The following HIF3A variants were observed in gnomAD, a reference collection of about 807,000 sequenced individuals.
HIF3A encodes hypoxia-inducible factor 3-alpha.
A neutral mutation model predicts 67.2 loss-of-function variants in HIF3A; 41 were observed. The observed-to-expected ratio is 0.61, with a 90% CI of 0.48 to 0.79. The LOEUF (loss-of-function observed/expected upper bound fraction) is 0.79, where lower values mean the gene tolerates loss of function less well. Ranked by LOEUF, HIF3A falls within the 30% of genes least tolerant of loss-of-function variation. The pLI is 0.00. For synonymous variants in HIF3A, 356 were observed against 374.8 expected (o/e 0.95, Z 0.58); for missense variants, 855 against 898.0 (o/e 0.95, Z 0.61).
Position 46,303,461 on chromosome 19 carries a change from A to T in HIF3A, c.27-437A>T, listed in dbSNP as rs539698813. 4 of 609,330 alleles carry T rather than the reference A, an allele frequency of 6.6e-6. No homozygotes were observed. The Admixed American group carries it at 1.2e-4, about 18-fold the overall frequency. 37.7% of individuals were successfully genotyped at this position (609,330 alleles called of 1,614,324 possible). On this transcript the variant is annotated intron_variant, in intron 1 of 14. Transcript: ENST00000377670. ...AGAGGAGGTGATTCTGGGAAACTGC[A>T]GGGCAGGGGGCCTGGGAGGCTGTAG... is the stretch of plus-strand genomic sequence containing the variant.
intron 13 of HIF3A, among the ~76,000 whole-genome samples, chr19:46,332,508 C>T (rs1009759319): frequency 1.3e-5 from 2 of 152,102 alleles, no homozygotes; most frequent in South Asian, 2.1e-4. Context: ...CCACTGCACT[C>T]CGGCCTAGAT....
intron 3 of HIF3A, 34 bp downstream of exon 3, chr19:46,305,424 G>A: frequency 1.9e-6 from 3 of 1,604,690 alleles, no homozygotes; most frequent in Non-Finnish European, 2.6e-6. Context: ...GCCTGGCCCT[G>A]TACTGGTGAT....
rs182388819 is a variant in HIF3A, at chr19:46,304,837, G to T, written c.218-408G>T. 2.2e-4 allele frequency among the ~76,000 whole-genome samples: 32 copies of T among 147,416 alleles called. No individual in the cohort carries two copies. The East Asian group carries it at 6.3e-3, about 29-fold the overall frequency. On this transcript the variant is annotated intron_variant, in intron 2 of 14. Coordinates refer to ENST00000377670, the MANE Select transcript of HIF3A (RefSeq NM_152795.4). ...CTCTAGAGTTCTGTCCCTCTGGAAGGTCCTGCCCTCCATGAGTTTGAACCC... is the reference window on the plus strand; with the variant it reads ...CTCTAGAGTTCTGTCCCTCTGGAAGTTCCTGCCCTCCATGAGTTTGAACCC...
intron 11 of HIF3A, among the ~76,000 whole-genome samples, chr19:46,327,399 T>G (rs1466493491): frequency 6.6e-6 from 1 of 151,758 alleles, no homozygotes; most frequent in African/African-American, 2.4e-5. Flanking sequence ...CACTGCAACT[T>G]CCAACTCCCA....
At chr19:46,331,873 A>T (rs930237260) in intron 13 of HIF3A, among the ~76,000 whole-genome samples, 6 of 151,544 alleles carry the variant, frequency 4.0e-5, no homozygotes, top group Non-Finnish European at 8.8e-5. Flanking sequence ...AAAAAAAAAA[A>T]AGGCAATAAG....
At chr19:46,304,618 GCACGTGCACGCGCGCGTGCACACA>G (rs1968666323) in intron 2 of HIF3A, among the ~76,000 whole-genome samples, 1 of 151,794 alleles carries the variant, frequency 6.6e-6, no homozygotes, top group South Asian at 2.1e-4. Context: ...GCTTTGCCAC[GCACGTGCACGCGCGCGTGCACACA>G]CACACATACA....
intron 11 of HIF3A, among the ~76,000 whole-genome samples, chr19:46,328,047 T>G (rs1192097526): frequency 1.3e-5 from 2 of 152,220 alleles, no homozygotes; most frequent in Admixed American, 1.3e-4. Flanking sequence ...GCCCATGTAA[T>G]TGAATTCAGT....
In HIF3A at chr19:46,325,575, T is replaced by C. The variant is rs976003775; in HGVS notation, c.1376T>C (p.Val459Ala). The change falls in exon 11 of 15, where the codon GTG becomes GCG. Residue 459 changes from valine (V) to alanine (A), a missense_variant. This residue lies in a region of HIF3A where 638 missense variants were observed against 660.5 expected (regional missense o/e 0.97). Coordinates refer to ENST00000377670, the MANE Select transcript of HIF3A (RefSeq NM_152795.4). ...GAACTACCTGTGGGCACCGAGAATG[T>C]GCACAGACTCTTCACCTCCGGGAAA... ...PDELPVGTEN[V>A]HRLFTSGKDT... is the part of the protein sequence containing the mutation. The C allele has an allele frequency of 7.4e-6, 12 of 1,612,604 alleles. No individual in the cohort carries two copies. In the African/African-American group the frequency reaches 1.3e-4, roughly 18 times the overall value.
At position 46,334,964 on chromosome 19, in the gene HIF3A, C is replaced by T; in HGVS notation, c.1890C>T (p.Leu630=). The stretch of plus-strand genomic sequence containing the variant: ...GCCTGCAGGACCCCAGCACCCCACT[C>T]CTGAACCTGAATGAGCCCCTGGGTG... ...PGSLQDPSTP[L]LNLNEPLGLG... is the part of the protein sequence containing the mutation. The change falls in exon 14 of 15, where the codon CTC becomes CTT. Residue 630 remains leucine, a synonymous_variant. Transcript: ENST00000377670. 8.1e-6 allele frequency: 13 copies of T among 1,606,938 alleles called. No individual in the cohort carries two copies. Among genetic ancestry groups the T allele is most frequent in the Non-Finnish European group, 1.0e-5 (12 of 1,176,680 alleles).
intron 11 of HIF3A, among the ~76,000 whole-genome samples, chr19:46,326,969 T>A (rs921366393): frequency 6.6e-6 from 1 of 151,814 alleles, no homozygotes; most frequent in African/African-American, 2.4e-5. Context: ...CTGGCCAACA[T>A]GGTGAAACCC....
Position 46,309,139 on chromosome 19 carries a change from C to A in HIF3A, c.562-12C>A. The A allele has an allele frequency of 6.2e-7, 1 of 1,607,834 alleles. No homozygotes were observed. Among genetic ancestry groups the A allele is most frequent in the Non-Finnish European group, 8.5e-7 (1 of 1,175,634 alleles). On this transcript the variant is annotated splice_polypyrimidine_tract_variant and intron_variant, in intron 5 of 14. Transcript: ENST00000377670. ...AGGCACCACTGCCTTGTCCCCTCAT[C>A]TCGGCCCCCAGGTGCTGAACTGCTC...
At chr19:46,315,246 T>G (rs1384503582) in intron 8 of HIF3A, among the ~76,000 whole-genome samples, 3 of 145,798 alleles carry the variant, frequency 2.1e-5, no homozygotes, top group African/African-American at 7.5e-5. Flanking sequence ...TTTATATTTT[T>G]AATAGAGAAG....
chr19:46,338,441 G>A (rs1359287440), intron 14 of HIF3A: 10 of 775,206 alleles, frequency 1.3e-5, no homozygotes, highest in South Asian at 1.9e-5. Flanking sequence ...GAGTTCAAGC[G>A]ATCCACCTGC....
intron 1 of HIF3A, 147 bp from the exon 2 acceptor site, chr19:46,303,751 C>G (rs544313982): frequency 6.6e-7 from 1 of 1,514,378 alleles, no homozygotes; most frequent in African/African-American, 1.4e-5. Flanking sequence ...GCGCCGCGAA[C>G]TCGACAGGGC....
At chr19:46,298,048 G>A (rs1346117222) in intron 1 of HIF3A, among the ~76,000 whole-genome samples, 8 of 152,038 alleles carry the variant, frequency 5.3e-5, no homozygotes, top group African/African-American at 7.2e-5. Context: ...GGCCGCTGCC[G>A]GGGGGTTTTA....
chr19:46,314,032 G>GT (rs1286428567), intron 8 of HIF3A, among the ~76,000 whole-genome samples: 106 of 150,322 alleles, frequency 7.1e-4, no homozygotes, highest in African/African-American at 5.4e-4. Flanking sequence ...ATAGAGCACA[G>GT]GTTTTTTTTT....
rs1971945478 is a variant in HIF3A, at chr19:46,341,826, T to G, written c.*2204T>G. ...CCGGCTACCTTTGTGTATTTTTTAG[T>G]AGAGACGGGGTTTTGCCAAGTTGGA... On this transcript the variant is annotated 3_prime_UTR_variant, in exon 15 of 15. Coordinates refer to ENST00000377670, the MANE Select transcript of HIF3A (RefSeq NM_152795.4). The G allele has an allele frequency of 6.6e-6, 1 of 151,772 alleles. No individual in the cohort carries two copies. The highest frequency in any genetic ancestry group is 1.5e-5 in the Non-Finnish European group (1 of 67,948). 9.4% of individuals were successfully genotyped at this position (151,772 alleles called of 1,614,324 possible).
At position 46,314,867 on chromosome 19, in the gene HIF3A, G is replaced by A. The variant is rs1035454111; in HGVS notation, c.1025+2214G>A. ...AGCCACCACACCCGGCCATTACCACGATTTTTTACACAAAAATATTCTCTT... is the reference window on the plus strand; with the variant it reads ...AGCCACCACACCCGGCCATTACCACAATTTTTTACACAAAAATATTCTCTT... On this transcript the variant is annotated intron_variant, in intron 8 of 14. Transcript: ENST00000377670. Among the ~76,000 whole-genome samples, 29 of 145,900 alleles carry A rather than the reference G, an allele frequency of 2.0e-4. 6 individuals are homozygous for A. The highest frequency in any genetic ancestry group is 9.6e-4 in the Admixed American group (13 of 13,556).
At chr19:46,320,609 T>G in intron 9 of HIF3A, 48 bp downstream of exon 9, 14 of 1,395,770 alleles carry the variant, frequency 1.0e-5, no homozygotes, top group Non-Finnish European at 1.3e-5. Context: ...CCAGGGCCCT[T>G]GGGAGAAAGC....
Sources: allele counts gnomAD v4.1 joint callset (sites outside exome capture counted in the v4.1 genomes callset), GRCh38; gene constraint gnomAD v4.1.1; regional missense constraint gnomAD v4.1.1; transcripts MANE v1.5; gene names NCBI Gene and HGNC (gene_info 2026-07-23, HGNC 2026-07-21).